The following DSCAM variants were observed in gnomAD, a reference collection of about 807,000 sequenced individuals.
DSCAM encodes the protein DS cell adhesion molecule.
In DSCAM, 47 loss-of-function variants were observed where a neutral mutation model predicts 217.7. That is an observed-to-expected ratio of 0.22 (90% CI 0.17 to 0.28). The LOEUF is 0.28. Ranked by LOEUF, DSCAM falls within the 10% of genes least tolerant of loss-of-function variation. The pLI is 1.00. For synonymous variants in DSCAM, 1,056 were observed against 1,015.3 expected (o/e 1.04, Z -0.76); for missense variants, 2,080 against 2,618.3 (o/e 0.79, Z 4.49).
intron 1 of DSCAM, among the ~76,000 whole-genome samples, chr21:40,767,914 G>A (rs929115123): frequency 2.0e-5 from 3 of 151,984 alleles, no homozygotes; most frequent in African/African-American, 4.8e-5. Context: ...GTGTGTGTGC[G>A]TGTGTGCATG....
chr21:40,090,186 A>G (rs1309417539), intron 21 of DSCAM, among the ~76,000 whole-genome samples: 1 of 151,978 alleles, frequency 6.6e-6, no homozygotes, highest in Admixed American at 6.6e-5. Flanking sequence ...TTTCTTATGT[A>G]TTGTTGATTT....
intron 3 of DSCAM, among the ~76,000 whole-genome samples, chr21:40,549,674 T>C (rs2076613837): frequency 6.6e-6 from 1 of 152,162 alleles, no homozygotes; most frequent in African/African-American, 2.4e-5. Context: ...GGTGTTACAT[T>C]TTGGGACAAG....
intron 1 of DSCAM, among the ~76,000 whole-genome samples, chr21:40,739,986 T>G (rs961358803): frequency 4.8e-5 from 3 of 62,640 alleles, no homozygotes; most frequent in African/African-American, 7.8e-5. Flanking sequence ...TTTTTTTTTT[T>G]GCCAACATTT....
In DSCAM at chr21:40,497,753, T is replaced by TATATTTAA. The variant is rs2076131121; in HGVS notation, c.509-128509_509-128508insTTAAATAT. On this transcript the variant is annotated intron_variant, in intron 3 of 32. Coordinates refer to ENST00000400454, the MANE Select transcript of DSCAM (RefSeq NM_001389.5). ...ATATATATACATTTATTTGTCAATA[T>TATATTTAA]ACAAATAAATTGTTTAAAAAATAAA... Among the ~76,000 whole-genome samples, 3 of 152,216 alleles carry TATATTTAA rather than the reference T, an allele frequency of 2.0e-5. No individual in the cohort carries two copies. The South Asian group carries it at 6.2e-4, about 31-fold the overall frequency.
In DSCAM at chr21:40,812,044, C is replaced by A. The variant is rs781750602; in HGVS notation, c.43+34575G>T. Among the ~76,000 whole-genome samples the A allele has an allele frequency of 2.6e-5, 4 of 152,244 alleles. No homozygotes were observed. In the South Asian group the frequency reaches 8.3e-4, roughly 32 times the overall value. On this transcript the variant is annotated intron_variant, in intron 1 of 32. Coordinates refer to ENST00000400454, the MANE Select transcript of DSCAM (RefSeq NM_001389.5). Reference sequence around the variant, plus strand: ...AAGAGTTAGCTTACAAGGAGATAAACAATAGATCAGGAGAAGGCATAGAGG... The same window carrying A: ...AAGAGTTAGCTTACAAGGAGATAAAAAATAGATCAGGAGAAGGCATAGAGG...
At chr21:40,441,082 G>A (rs993939404) in intron 3 of DSCAM, among the ~76,000 whole-genome samples, 1 of 131,752 alleles carries the variant, frequency 7.6e-6, no homozygotes, top group Non-Finnish European at 1.6e-5. Flanking sequence ...ACAAGAAATG[G>A]TAAACCCTGA....
In DSCAM at chr21:40,261,652, TACAC is replaced by T. The variant is rs71186922; in HGVS notation, c.2356+14441_2356+14444del. Among the ~76,000 whole-genome samples, 632 of 133,328 alleles carry T rather than the reference TACAC, an allele frequency of 4.7e-3. 7 individuals carry two copies. Among genetic ancestry groups the T allele is most frequent in the South Asian group, 0.013 (55 of 4,208 alleles). The allele number at this position is 133,328 out of a possible 152,430, so 87.5% of individuals were successfully genotyped here. ...AATAAACTTATTCTCTCTCTCTCTC[TACAC>T]ACACACACACACACACACACACACA... On this transcript the variant is annotated intron_variant, in intron 11 of 32. Coordinates refer to ENST00000400454, the MANE Select transcript of DSCAM (RefSeq NM_001389.5).
intron 3 of DSCAM, among the ~76,000 whole-genome samples, chr21:40,380,251 TC>T (rs1285817449): frequency 6.6e-6 from 1 of 152,266 alleles, no homozygotes; most frequent in East Asian, 1.9e-4. Context: ...CTGTCACTAA[TC>T]TTTGCTCTAG....
intron 3 of DSCAM, among the ~76,000 whole-genome samples, chr21:40,616,418 G>C (rs1161732645): frequency 2.0e-5 from 3 of 152,104 alleles, no homozygotes; most frequent in Admixed American, 2.0e-4. Context: ...CGGTGGTCAC[G>C]TTTCCTCCTG....
intron 3 of DSCAM, among the ~76,000 whole-genome samples, chr21:40,444,787 C>G (rs1353171339): frequency 2.0e-5 from 3 of 152,160 alleles, no homozygotes; most frequent in Non-Finnish European, 4.4e-5. Flanking sequence ...ACTGTTCACA[C>G]TGAACAATGG....
In DSCAM at chr21:40,578,165, G is replaced by A. The variant is rs111298528; in HGVS notation, c.508+114645C>T. Among the ~76,000 whole-genome samples the A allele has an allele frequency of 9.3e-3, 1,410 of 152,272 alleles. 13 individuals carry two copies. Among genetic ancestry groups the A allele is most frequent in the African/African-American group, 0.032 (1,314 of 41,542 alleles). On this transcript the variant is annotated intron_variant, in intron 3 of 32. Coordinates refer to ENST00000400454, the MANE Select transcript of DSCAM (RefSeq NM_001389.5). The stretch of plus-strand genomic sequence containing the variant: ...GAAAAATAGAGTGCAGGCTAACACC[G>A]TCACAGCCTAGAGGTATCCGGCAGT...
chr21:40,379,113 T>C (rs1365970665), intron 3 of DSCAM, among the ~76,000 whole-genome samples: 1 of 152,196 alleles, frequency 6.6e-6, no homozygotes, highest in Non-Finnish European at 1.5e-5. Context: ...TGTATGCAAA[T>C]GAACAGAGAG....
chr21:40,550,594 G>C (rs1313545368), intron 3 of DSCAM, among the ~76,000 whole-genome samples: 6 of 152,222 alleles, frequency 3.9e-5, no homozygotes, highest in Admixed American at 3.3e-4. Context: ...CCTTAGGACA[G>C]ACCCTTCTTT....
At chr21:40,712,716 T>A (rs1488615134) in intron 1 of DSCAM, among the ~76,000 whole-genome samples, 7 of 152,176 alleles carry the variant, frequency 4.6e-5, no homozygotes, top group Non-Finnish European at 1.0e-4. Context: ...TTTTGAAGTA[T>A]TTTTGGAATT....
chr21:40,401,221 T>C (rs895403221), intron 3 of DSCAM, among the ~76,000 whole-genome samples: 2 of 152,216 alleles, frequency 1.3e-5, no homozygotes, highest in African/African-American at 4.8e-5. Flanking sequence ...AAGAAAAGGA[T>C]TATTTCAGCT....
chr21:40,461,600 G>A (rs540910035), intron 3 of DSCAM, among the ~76,000 whole-genome samples: 9 of 152,202 alleles, frequency 5.9e-5, no homozygotes, highest in East Asian at 1.9e-4. Context: ...CCACAAATAC[G>A]TTTGCATCCC....
intron 3 of DSCAM, among the ~76,000 whole-genome samples, chr21:40,429,388 T>C (rs1403610777): frequency 6.6e-6 from 1 of 152,076 alleles, no homozygotes; most frequent in Non-Finnish European, 1.5e-5. Context: ...TGCCTCAGCC[T>C]CCCGAGTAGC....
At chr21:40,051,882 T>G (rs2088937139) in intron 30 of DSCAM, 76 bp downstream of exon 30, 5 of 1,518,660 alleles carry the variant, frequency 3.3e-6, no homozygotes, top group Non-Finnish European at 4.4e-6. Context: ...CACATTTTCA[T>G]TTGAGAGAGA....
At position 40,115,227 on chromosome 21, in the gene DSCAM, T is replaced by C. The variant is rs145148060; in HGVS notation, c.3696+8968A>G. On this transcript the variant is annotated intron_variant, in intron 20 of 32. Transcript: ENST00000400454. ...GGCACATATACACCACGGAACACTATGCAGCCATAAAAAAGGATGAGTTCA... is the reference window on the plus strand; with the variant it reads ...GGCACATATACACCACGGAACACTACGCAGCCATAAAAAAGGATGAGTTCA... Among the ~76,000 whole-genome samples, 1,349 of 152,170 alleles carry C rather than the reference T, an allele frequency of 8.9e-3. 20 individuals are homozygous for C. The highest frequency in any genetic ancestry group is 0.031 in the African/African-American group (1,291 of 41,500).
Sources: gnomAD v4.1 joint callset for allele counts (sites outside exome capture counted in the v4.1 genomes callset) on GRCh38, gnomAD v4.1.1 for gene constraint, MANE v1.5 for transcripts, NCBI Gene and HGNC (gene_info 2026-07-23, HGNC 2026-07-21) for gene names.